PSD3: variants seen among roughly 807,000 people sequenced by gnomAD.
The protein encoded by PSD3 is pleckstrin and Sec7 domain containing 3.
Under a neutral mutation model 105.5 loss-of-function variants are expected in PSD3, and 49 were observed. That is an observed-to-expected ratio of 0.46 (90% CI 0.37 to 0.59). PSD3 has a LOEUF of 0.59. Among genes scored for constraint, PSD3 ranks in the 20% least tolerant of loss-of-function variants. The probability of loss-of-function intolerance (pLI) is 0.00; values close to 1 mark genes in which losing one functional copy is unlikely to be tolerated. For synonymous variants in PSD3, 557 were observed against 457.8 expected (o/e 1.22, Z -2.77); for missense variants, 1,561 against 1,263.8 (o/e 1.24, Z -3.57).
chr8:18,630,716 A>G (rs1376761547), intron 11 of PSD3, among the ~76,000 whole-genome samples: 1 of 151,642 alleles, frequency 6.6e-6, no homozygotes, highest in African/African-American at 2.4e-5. Flanking sequence ...TCAACCCTCC[A>G]TATCTGTGGG....
chr8:19,083,782 C>A (rs1829718154), intron 1 of PSD3, among the ~76,000 whole-genome samples: 1 of 152,172 alleles, frequency 6.6e-6, no homozygotes, highest in South Asian at 2.1e-4. Context: ...TCTCCATCCC[C>A]TCATCTGAAA....
At chr8:18,747,649 G>A (rs1239798735) in intron 9 of PSD3, among the ~76,000 whole-genome samples, 1 of 152,154 alleles carries the variant, frequency 6.6e-6, no homozygotes, top group Non-Finnish European at 1.5e-5. Flanking sequence ...GATTATGGCT[G>A]GATAGTGACA....
intron 1 of PSD3, among the ~76,000 whole-genome samples, chr8:18,939,182 C>G (rs900481137): frequency 6.6e-6 from 1 of 152,132 alleles, no homozygotes; most frequent in African/African-American, 2.4e-5. Flanking sequence ...AGCAAGGTTC[C>G]CCTTGAGCAA....
intron 4 of PSD3, among the ~76,000 whole-genome samples, chr8:18,852,583 T>C (rs1012577164): frequency 1.3e-5 from 2 of 152,192 alleles, no homozygotes; most frequent in Non-Finnish European, 2.9e-5. Flanking sequence ...AAAGTGCTGA[T>C]GGACCTGCGG....
intron 8 of PSD3, among the ~76,000 whole-genome samples, chr8:18,792,711 C>G (rs1350043783): frequency 6.6e-6 from 1 of 152,144 alleles, no homozygotes; most frequent in African/African-American, 2.4e-5. Context: ...AATAGGACCA[C>G]TTTTACACTG....
At chr8:18,847,557 T>C (rs1244946378) in intron 4 of PSD3, among the ~76,000 whole-genome samples, 1 of 152,182 alleles carries the variant, frequency 6.6e-6, no homozygotes, top group Non-Finnish European at 1.5e-5. Flanking sequence ...TGGTCACAAA[T>C]AACTAATCTA....
At chr8:18,812,467 C>T (rs1049564830) in intron 4 of PSD3, among the ~76,000 whole-genome samples, 1 of 152,084 alleles carries the variant, frequency 6.6e-6, no homozygotes, top group Non-Finnish European at 1.5e-5. Context: ...TGAAAATAGA[C>T]TGGAGAAGCA....
At chr8:18,935,173 A>C (rs746631838) in intron 2 of PSD3, among the ~76,000 whole-genome samples, 2 of 152,220 alleles carry the variant, frequency 1.3e-5, no homozygotes, top group Non-Finnish European at 2.9e-5. Flanking sequence ...AATTAGCACT[A>C]GTAATAGTTC....
At chr8:18,765,871 G>C (rs900751520) in intron 8 of PSD3, among the ~76,000 whole-genome samples, 2 of 152,062 alleles carry the variant, frequency 1.3e-5, no homozygotes, top group African/African-American at 4.8e-5. Context: ...GGGAGGCTGA[G>C]GCAGGAGAAT....
intron 1 of PSD3, among the ~76,000 whole-genome samples, chr8:18,953,277 G>A (rs1823357743): frequency 6.6e-6 from 1 of 151,472 alleles, no homozygotes; most frequent in African/African-American, 2.4e-5. Flanking sequence ...GACGCGGCAT[G>A]TTCATATATA....
At chr8:18,672,803 A>G (rs1184402058) in intron 9 of PSD3, among the ~76,000 whole-genome samples, 1 of 152,218 alleles carries the variant, frequency 6.6e-6, no homozygotes, top group Non-Finnish European at 1.5e-5. Flanking sequence ...GCTAGAGTAT[A>G]AAGTCTTGGA....
intron 4 of PSD3, among the ~76,000 whole-genome samples, chr8:18,863,653 T>C (rs939553489): frequency 6.6e-6 from 1 of 152,198 alleles, no homozygotes; most frequent in Non-Finnish European, 1.5e-5. Context: ...TAATAGTCCA[T>C]CCAGATTTAT....
intron 4 of PSD3, among the ~76,000 whole-genome samples, chr8:18,863,375 T>G (rs904652070): frequency 4.6e-5 from 7 of 152,130 alleles, no homozygotes; most frequent in Non-Finnish European, 8.8e-5. Flanking sequence ...TGGAGCCATG[T>G]GACAGGACTT....
At chr8:18,667,051 G>A (rs760562223) in intron 9 of PSD3, among the ~76,000 whole-genome samples, 1 of 152,130 alleles carries the variant, frequency 6.6e-6, no homozygotes, top group African/African-American at 2.4e-5. Flanking sequence ...GCTGGCTTCA[G>A]GAGTGAAGCT....
intron 1 of PSD3, among the ~76,000 whole-genome samples, chr8:19,007,210 C>A (rs1416416797): frequency 6.6e-6 from 1 of 151,640 alleles, no homozygotes; most frequent in African/African-American, 2.4e-5. Flanking sequence ...CGAGATCTTG[C>A]CACTGCACTC....
intron 1 of PSD3, chr8:19,002,081 T>A (rs1395528405): frequency 6.5e-6 from 1 of 153,198 alleles, no homozygotes; most frequent in East Asian, 1.9e-4. Context: ...CCTCTCTCAC[T>A]AACTGATCAC....
At chr8:18,872,774 AG>A in intron 2 of PSD3, 41 bp from the exon 3 acceptor site, 1 of 1,493,100 alleles carries the variant, frequency 6.7e-7, no homozygotes, top group Non-Finnish European at 9.0e-7. Context: ...TGTTGTAGAA[AG>A]ACAGGGCCCA....
chr8:19,005,169 T>A (rs1207772045), intron 1 of PSD3, among the ~76,000 whole-genome samples: 8 of 152,000 alleles, frequency 5.3e-5, no homozygotes, highest in African/African-American at 1.9e-4. Context: ...CAGAATGGCA[T>A]TATTCCTAAC....
intron 1 of PSD3, among the ~76,000 whole-genome samples, chr8:18,968,091 G>C (rs74806136): frequency 6.6e-6 from 1 of 152,140 alleles, no homozygotes; most frequent in Admixed American, 6.5e-5. Context: ...TTTATAAACA[G>C]AAATTTATGT....
Sources: allele counts gnomAD v4.1 joint callset (sites outside exome capture counted in the v4.1 genomes callset), GRCh38; gene constraint gnomAD v4.1.1; transcripts MANE v1.5; gene names NCBI Gene and HGNC (gene_info 2026-07-23, HGNC 2026-07-21).